Variants in MYT1L observed in about 807,000 individuals in gnomAD.
MYT1L encodes myelin transcription factor 1-like protein.
MYT1L carries 12 observed loss-of-function variants against 126.7 expected under a neutral mutation model. The observed-to-expected ratio is 0.09, with a 90% CI of 0.06 to 0.15. The LOEUF is 0.15. Among genes scored for constraint, MYT1L ranks in the 10% least tolerant of loss-of-function variants. The pLI is 1.00. For missense variants in MYT1L, 979 were observed against 1,585.2 expected (o/e 0.62, Z 6.49); for synonymous variants, 541 against 604.2 (o/e 0.90, Z 1.53).
chr2:2,176,017 C>T (rs900892929), intron 2 of MYT1L, among the ~76,000 whole-genome samples: 14 of 152,184 alleles, frequency 9.2e-5, no homozygotes, highest in Middle Eastern at 3.2e-3. Flanking sequence ...TTCCTTTGTA[C>T]CAAGTTAAAC....
intron 4 of MYT1L, among the ~76,000 whole-genome samples, chr2:2,048,295 C>G (rs1056191814): frequency 6.6e-6 from 1 of 152,146 alleles, no homozygotes; most frequent in African/African-American, 2.4e-5. Flanking sequence ...AAACTGATAC[C>G]TCTTCCTGAG....
At chr2:2,330,285 T>A (rs2096276885) in intron 1 of MYT1L, among the ~76,000 whole-genome samples, 1 of 152,116 alleles carries the variant, frequency 6.6e-6, no homozygotes, top group Non-Finnish European at 1.5e-5. Flanking sequence ...TCATGGTTAA[T>A]ACTAAATTCA....
rs2070065471 is a variant in MYT1L, at chr2:2,059,298, G to T, written c.-303-5175C>A. Reference sequence around the variant, plus strand: ...GCAGGATTGTTTTATTATTTCCAGTGACTTTCCATGAAAGCACATGCCATC... The same window carrying T: ...GCAGGATTGTTTTATTATTTCCAGTTACTTTCCATGAAAGCACATGCCATC... On this transcript the variant is annotated intron_variant, in intron 3 of 24. Transcript: ENST00000647738. This position sits in a 1 kb window ranked among gnomAD's most constrained non-coding sequence, Gnocchi z 4.7. Among the ~76,000 whole-genome samples the T allele has an allele frequency of 6.6e-6, 1 of 151,862 alleles. No individual in the cohort carries two copies. The highest frequency in any genetic ancestry group is 2.1e-4 in the South Asian group (1 of 4,830).
intron 2 of MYT1L, among the ~76,000 whole-genome samples, chr2:2,229,270 A>T (rs2094101872): frequency 1.3e-5 from 2 of 152,180 alleles, no homozygotes; most frequent in African/African-American, 4.8e-5. Context: ...CTTTTTTTAA[A>T]AAAGCACAGG....
chr2:2,181,457 T>C (rs1232788779), intron 2 of MYT1L, among the ~76,000 whole-genome samples: 1 of 152,182 alleles, frequency 6.6e-6, no homozygotes, highest in Non-Finnish European at 1.5e-5. Context: ...ATCAGAATTC[T>C]AGCAGTAAGC....
intron 3 of MYT1L, among the ~76,000 whole-genome samples, chr2:2,088,559 G>A (rs2150366286): frequency 6.6e-6 from 1 of 152,194 alleles, no homozygotes; most frequent in South Asian, 2.1e-4. Flanking sequence ...GGCTGATGGA[G>A]CCTGTGGGAG....
Position 1,875,271 on chromosome 2 carries a change from C to T in MYT1L, c.2711+11268G>A, listed in dbSNP as rs367773249. On this transcript the variant is annotated intron_variant, in intron 18 of 24. Coordinates refer to ENST00000647738, the MANE Select transcript of MYT1L (RefSeq NM_001303052.2). Reference sequence around the variant, plus strand: ...GCGGGAAACTGGACCTTTAGAGAGTCGCACATTGTGCTGGTGTTGGGCCTG... The same window carrying T: ...GCGGGAAACTGGACCTTTAGAGAGTTGCACATTGTGCTGGTGTTGGGCCTG... Among the ~76,000 whole-genome samples the T allele has an allele frequency of 2.0e-5, 3 of 152,142 alleles. 1 individual carries two copies. The highest frequency in any genetic ancestry group is 3.9e-4 in the East Asian group (2 of 5,146).
At chr2:2,192,560 G>A (rs2092641707) in intron 2 of MYT1L, among the ~76,000 whole-genome samples, 1 of 152,210 alleles carries the variant, frequency 6.6e-6, no homozygotes, top group South Asian at 2.1e-4. Context: ...GGCAGTGGGT[G>A]GATATCGTCA....
Position 1,809,088 on chromosome 2 carries a change from G to A in MYT1L, c.3160C>T (p.Arg1054Trp), listed in dbSNP as rs1170687057. 1.9e-6 allele frequency: 3 copies of A among 1,613,848 alleles called. No homozygotes were observed. Among genetic ancestry groups the A allele is most frequent in the Admixed American group, 1.7e-5 (1 of 60,012 alleles). The part of the protein sequence containing the change: ...SGEQMLTIKQ[R>W]ASNGIENDEE... ...GAGGGGTGCTCACCGTTGCTGGCCC[G>A]CTGTTTGATGGTCAGCATCTGCTCT... Residue 1054 changes from arginine to tryptophan, a missense_variant, in exon 22 of 25, where the codon CGG becomes TGG. Transcript: ENST00000647738.
At chr2:2,055,707 A>T (rs968564608) in intron 3 of MYT1L, among the ~76,000 whole-genome samples, 3 of 152,240 alleles carry the variant, frequency 2.0e-5, no homozygotes, top group African/African-American at 4.8e-5. Flanking sequence ...ATTGGACATT[A>T]ATAATCAAAG....
intron 18 of MYT1L, among the ~76,000 whole-genome samples, chr2:1,883,119 G>A (rs921154613): frequency 6.6e-6 from 1 of 152,152 alleles, no homozygotes; most frequent in Non-Finnish European, 1.5e-5. Flanking sequence ...GTGTCCCAAG[G>A]TTCTTTTTCC....
At chr2:1,959,787 G>A (rs1414331866) in intron 8 of MYT1L, among the ~76,000 whole-genome samples, 4 of 152,138 alleles carry the variant, frequency 2.6e-5, no homozygotes, top group Admixed American at 2.6e-4. Context: ...CATGGGACAC[G>A]GTCCTCTGTC....
At chr2:1,930,307 G>A (rs1180892176) in intron 9 of MYT1L, among the ~76,000 whole-genome samples, 1 of 152,228 alleles carries the variant, frequency 6.6e-6, no homozygotes, top group Non-Finnish European at 1.5e-5. Flanking sequence ...CTATATCACG[G>A]AGCAGAGCGG....
chr2:2,220,734 G>A (rs2093837935), intron 2 of MYT1L, among the ~76,000 whole-genome samples: 1 of 152,098 alleles, frequency 6.6e-6, no homozygotes, highest in South Asian at 2.1e-4. Context: ...GCCAGAGTCA[G>A]TTTGGAAAGC....
intron 2 of MYT1L, among the ~76,000 whole-genome samples, chr2:2,283,235 A>G (rs1361069850): frequency 2.0e-5 from 3 of 152,244 alleles, no homozygotes; most frequent in Non-Finnish European, 4.4e-5. Flanking sequence ...CAACATACTA[A>G]TGGTGGTTGT....
chr2:2,026,855 C>T (rs960258126), intron 4 of MYT1L, among the ~76,000 whole-genome samples: 2 of 152,170 alleles, frequency 1.3e-5, no homozygotes, highest in African/African-American at 4.8e-5. Flanking sequence ...CTTGAGAAAA[C>T]CTGCCCCTCT....
chr2:1,911,248 G>T (rs570834145), intron 12 of MYT1L, among the ~76,000 whole-genome samples: 9 of 152,156 alleles, frequency 5.9e-5, no homozygotes, highest in Non-Finnish European at 1.2e-4. Context: ...AAAGGACCAG[G>T]TTTGCCAGTC....
chr2:2,253,864 C>T (rs960664794), intron 2 of MYT1L, among the ~76,000 whole-genome samples: 20 of 152,148 alleles, frequency 1.3e-4, no homozygotes, highest in African/African-American at 4.8e-4. Flanking sequence ...CACTGCCACT[C>T]TCCTAAGGTC....
intron 18 of MYT1L, among the ~76,000 whole-genome samples, chr2:1,855,301 C>G (rs1262922418): frequency 6.6e-6 from 1 of 152,192 alleles, no homozygotes; most frequent in Non-Finnish European, 1.5e-5. Context: ...TACAAACACG[C>G]GATTTGTATC....
Sources: allele counts gnomAD v4.1 joint callset (sites outside exome capture counted in the v4.1 genomes callset), GRCh38; gene constraint gnomAD v4.1.1; non-coding constraint Gnocchi (gnomAD v3.1); transcripts MANE v1.5; gene names NCBI Gene and HGNC (gene_info 2026-07-23, HGNC 2026-07-21).